Variants in B3GLCT observed in about 807,000 individuals in gnomAD.
B3GLCT encodes the protein beta-1,3-glucosyltransferase.
B3GLCT carries 65 observed loss-of-function variants against 63.4 expected under a neutral mutation model. The ratio of observed to expected loss-of-function variants is 1.03; its 90% CI spans 0.84 to 1.26. The LOEUF (loss-of-function observed/expected upper bound fraction) is 1.26, where lower values mean the gene tolerates loss of function less well. Ranked by LOEUF, B3GLCT falls within the 50% of genes most tolerant of loss-of-function variation. The probability of loss-of-function intolerance (pLI) is 0.00; values close to 1 mark genes in which losing one functional copy is unlikely to be tolerated. For synonymous variants in B3GLCT, 233 were observed against 219.2 expected, an observed-to-expected ratio of 1.06 and a Z score of -0.55; for missense variants, 577 against 604.8, an observed-to-expected ratio of 0.95 and a Z score of 0.48.
intron 2 of B3GLCT, among the ~76,000 whole-genome samples, chr13:31,218,454 G>A (rs1419150156): frequency 6.6e-6 from 1 of 152,128 alleles, no homozygotes; most frequent in Non-Finnish European, 1.5e-5. Flanking sequence ...CCAAAGTGCT[G>A]GGATTACAGG....
rs1161754597 is a variant in B3GLCT at position 31,276,544 on chromosome 13, A to AC, written c.781-156dup. On this transcript the variant is annotated intron_variant, in intron 9 of 14. Coordinates refer to ENST00000343307, the MANE Select transcript of B3GLCT (RefSeq NM_194318.4). ...GACAGAAAGGCTATGTTGTCAGCTG[A>AC]CCTATGTTTCCATTTCTCCCCTAAA... 4.6e-5 allele frequency among the ~76,000 whole-genome samples: 7 copies of AC among 152,238 alleles called. No individual in the cohort carries two copies. In the East Asian group the frequency reaches 1.4e-3, roughly 29 times the overall value.
At chr13:31,316,941 C>T (rs1233054500) in intron 12 of B3GLCT, among the ~76,000 whole-genome samples, 1 of 152,046 alleles carries the variant, frequency 6.6e-6, no homozygotes, top group Non-Finnish European at 1.5e-5. Context: ...AGATAGGGGC[C>T]AAAAGGTATT....
At chr13:31,266,011 T>C (rs1872283954) in intron 7 of B3GLCT, among the ~76,000 whole-genome samples, 1 of 152,172 alleles carries the variant, frequency 6.6e-6, no homozygotes, top group Admixed American at 6.5e-5. Flanking sequence ...ACTTCTTTTT[T>C]TTTTTTGAAA....
At chr13:31,245,483 C>T (rs1337111066) in intron 4 of B3GLCT, among the ~76,000 whole-genome samples, 1 of 152,026 alleles carries the variant, frequency 6.6e-6, no homozygotes, top group Non-Finnish European at 1.5e-5. Flanking sequence ...CCTGGTTCTT[C>T]TAGTCTCTGT....
chr13:31,329,918 G>A lies in B3GLCT; in HGVS notation c.*250G>A. 1 of 504,318 alleles carries A rather than the reference G, an allele frequency of 2.0e-6. No individual in the cohort carries two copies. 31.2% of individuals were successfully genotyped at this position (504,318 alleles called of 1,614,324 possible). ...GTTGTTTTAACACTTAGTGATGACT[G>A]TGTATTCTCCAAGCTGTGATACAGC... is the stretch of plus-strand genomic sequence containing the variant. On this transcript the variant is annotated 3_prime_UTR_variant, in exon 15 of 15. Coordinates refer to ENST00000343307, the MANE Select transcript of B3GLCT (RefSeq NM_194318.4).
chr13:31,230,566 C>T (rs1408757598), intron 4 of B3GLCT, among the ~76,000 whole-genome samples: 1 of 152,206 alleles, frequency 6.6e-6, no homozygotes, highest in Non-Finnish European at 1.5e-5. Context: ...TATATATAAA[C>T]TGTATCAAAC....
intron 10 of B3GLCT, among the ~76,000 whole-genome samples, chr13:31,277,916 C>A (rs1001151469): frequency 2.6e-5 from 4 of 152,032 alleles, no homozygotes; most frequent in Non-Finnish European, 5.9e-5. Flanking sequence ...ATCAGTATAG[C>A]AGTTAAAATA....
intron 6 of B3GLCT, among the ~76,000 whole-genome samples, chr13:31,250,866 G>A (rs1235762764): frequency 3.3e-5 from 5 of 152,194 alleles, no homozygotes; most frequent in African/African-American, 1.2e-4. Context: ...GCTCTGATAA[G>A]GGACAGCCTC....
In B3GLCT at chr13:31,320,997, A is replaced by G. The variant is rs189114433; in HGVS notation, c.1185-2754A>G. ...ACTTTCATAGCATATTATGCAAACCATTATCATTTAATTGCCTATTTACTT... is the reference window on the plus strand; with the variant it reads ...ACTTTCATAGCATATTATGCAAACCGTTATCATTTAATTGCCTATTTACTT... On this transcript the variant is annotated intron_variant, in intron 13 of 14. Coordinates refer to ENST00000343307, the MANE Select transcript of B3GLCT (RefSeq NM_194318.4). Among the ~76,000 whole-genome samples the G allele has an allele frequency of 6.0e-3, 913 of 152,350 alleles. 14 individuals are homozygous for G. The highest frequency in any genetic ancestry group is 0.021 in the African/African-American group (868 of 41,570).
chr13:31,258,992 A>C (rs1566067067), intron 6 of B3GLCT, among the ~76,000 whole-genome samples: 1 of 151,274 alleles, frequency 6.6e-6, no homozygotes, highest in Non-Finnish European at 1.5e-5. Flanking sequence ...ATCAGTCTGG[A>C]TATTTTTTAC....
chr13:31,302,012 A>T (rs1026460661), intron 12 of B3GLCT, among the ~76,000 whole-genome samples: 1 of 151,772 alleles, frequency 6.6e-6, no homozygotes, highest in Non-Finnish European at 1.5e-5. Context: ...TTCTGTATTC[A>T]TCTTATTTCT....
chr13:31,274,426 C>A, intron 8 of B3GLCT, 83 bp from the exon 9 acceptor site: 1 of 1,555,952 alleles, frequency 6.4e-7, no homozygotes, highest in Non-Finnish European at 8.9e-7. Context: ...ATGTGTTCTG[C>A]TTTCCCTTGA....
At chr13:31,219,353 G>A (rs1476420615) in intron 2 of B3GLCT, among the ~76,000 whole-genome samples, 3 of 152,142 alleles carry the variant, frequency 2.0e-5, no homozygotes, top group African/African-American at 7.2e-5. Context: ...AGTAAAGTTA[G>A]AATCCAAATT....
At chr13:31,205,845 G>T (rs1239310932) in intron 1 of B3GLCT, among the ~76,000 whole-genome samples, 1 of 152,168 alleles carries the variant, frequency 6.6e-6, no homozygotes, top group Non-Finnish European at 1.5e-5. Flanking sequence ...AAAGCTGAGG[G>T]TTTAGACAAA....
At chr13:31,218,349 C>T (rs1187862118) in intron 2 of B3GLCT, among the ~76,000 whole-genome samples, 1 of 152,086 alleles carries the variant, frequency 6.6e-6, no homozygotes. Context: ...GCCACCACAT[C>T]TGACTAATTT....
At chr13:31,203,827 A>G (rs923040043) in intron 1 of B3GLCT, among the ~76,000 whole-genome samples, 3 of 152,220 alleles carry the variant, frequency 2.0e-5, no homozygotes, top group African/African-American at 7.2e-5. Flanking sequence ...CCTTACTACC[A>G]TGATTTCAAA....
At position 31,330,610 on chromosome 13, in the gene B3GLCT, G is replaced by A. The variant is rs2137960377; in HGVS notation, c.*942G>A. On this transcript the variant is annotated 3_prime_UTR_variant, in exon 15 of 15. Coordinates refer to ENST00000343307, the MANE Select transcript of B3GLCT (RefSeq NM_194318.4). The stretch of plus-strand genomic sequence containing the variant: ...TCAGGAGAGAAACCCCTTGTGGAAG[G>A]ACAGCATGGTGATCAGGCAATTTCT... The A allele has an allele frequency of 6.6e-6, 1 of 150,788 alleles. No individual in the cohort carries two copies. The highest frequency in any genetic ancestry group is 2.1e-4 in the South Asian group (1 of 4,758). 9.3% of individuals were successfully genotyped at this position (150,788 alleles called of 1,614,324 possible).
intron 12 of B3GLCT, among the ~76,000 whole-genome samples, chr13:31,315,485 T>C (rs1056799811): frequency 6.6e-6 from 1 of 152,158 alleles, no homozygotes; most frequent in African/African-American, 2.4e-5. Flanking sequence ...GTGGAAGAAA[T>C]TTCTAAGGAG....
rs367941054 is a variant in B3GLCT at position 31,246,995 on chromosome 13, T to A, written c.271-28T>A. 4.0e-5 allele frequency: 60 copies of A among 1,510,090 alleles called. No individual in the cohort carries two copies. The African/African-American group carries it at 6.0e-4, about 15-fold the overall frequency. 93.5% of individuals were successfully genotyped at this position (1,510,090 alleles called of 1,614,324 possible). A position where few individuals can be genotyped will look rare whatever the true frequency, so the allele number is the denominator to read the frequency against. The stretch of plus-strand genomic sequence containing the variant: ...TTTTTTCGGAGTAGTCAATTCATAC[T>A]TATCTTCTTTGATCATTGTTTTCTC... On this transcript the variant is annotated intron_variant, in intron 4 of 14. Transcript: ENST00000343307.
Sources: allele counts gnomAD v4.1 joint callset (sites outside exome capture counted in the v4.1 genomes callset), GRCh38; gene constraint gnomAD v4.1.1; transcripts MANE v1.5; gene names NCBI Gene and HGNC (gene_info 2026-07-23, HGNC 2026-07-21).